Variants in CTNNA3 observed in about 807,000 individuals in gnomAD.
The protein encoded by CTNNA3 is catenin alpha 3, also known as catenin alpha-3.
CTNNA3 carries 76 observed loss-of-function variants against 95.7 expected under a neutral mutation model. The ratio of observed to expected loss-of-function variants is 0.79; its 90% confidence interval spans 0.66 to 0.96. The LOEUF is 0.96. Ranked by LOEUF, CTNNA3 falls within the 40% of genes least tolerant of loss-of-function variation. The pLI is 0.00. For synonymous variants in CTNNA3, 431 were observed against 374.4 expected (o/e 1.15, Z -1.74); for missense variants, 1,191 against 1,089.8 (o/e 1.09, Z -1.31).
At chr10:66,897,790 A>C (rs1371755857) in intron 7 of CTNNA3, among the ~76,000 whole-genome samples, 3 of 152,184 alleles carry the variant, frequency 2.0e-5, no homozygotes, top group Non-Finnish European at 4.4e-5. Context: ...CTTAAATTAG[A>C]AGTATAAAAA....
chr10:65,947,991 T>G (rs777956068), intron 17 of CTNNA3, among the ~76,000 whole-genome samples: 9 of 152,200 alleles, frequency 5.9e-5, no homozygotes, highest in Non-Finnish European at 1.3e-4. Context: ...AAATACCATG[T>G]GCGCGGCCAG....
intron 11 of CTNNA3, among the ~76,000 whole-genome samples, chr10:66,518,748 T>C (rs904573470): frequency 6.6e-6 from 1 of 151,762 alleles, no homozygotes; most frequent in Non-Finnish European, 1.5e-5. Context: ...ATTAGAAAAA[T>C]GGTGAAAGGA....
At chr10:66,996,647 T>TCCAAAAAAAA (rs1851361925) in intron 7 of CTNNA3, among the ~76,000 whole-genome samples, 1 of 8,950 alleles carries the variant, frequency 1.1e-4, no homozygotes, top group South Asian at 5.3e-3. Context: ...ACTCCGTCTC[T>TCCAAAAAAAA]ACAAAAAAAA....
At chr10:67,397,256 T>C (rs1433790435) in intron 5 of CTNNA3, among the ~76,000 whole-genome samples, 1 of 152,150 alleles carries the variant, frequency 6.6e-6, no homozygotes, top group African/African-American at 2.4e-5. Flanking sequence ...TGGAACTTCC[T>C]AGAGATTTGT....
At chr10:67,007,218 G>C (rs1852047437) in intron 7 of CTNNA3, among the ~76,000 whole-genome samples, 1 of 152,114 alleles carries the variant, frequency 6.6e-6, no homozygotes, top group Non-Finnish European at 1.5e-5. Context: ...GTCAGTTCCT[G>C]TTTAGCATCA....
At chr10:66,155,613 T>C (rs1413793453) in intron 13 of CTNNA3, among the ~76,000 whole-genome samples, 1 of 151,806 alleles carries the variant, frequency 6.6e-6, no homozygotes, top group African/African-American at 2.4e-5. Context: ...CGGAGGACCA[T>C]CTTAATACAT....
intron 13 of CTNNA3, among the ~76,000 whole-genome samples, chr10:66,227,184 TG>T (rs2089337572): frequency 6.6e-6 from 1 of 152,092 alleles, no homozygotes; most frequent in African/African-American, 2.4e-5. Context: ...TCCTTTCTCT[TG>T]CCTAATTATT....
chr10:66,522,487 C>A (rs1005735399), intron 10 of CTNNA3, among the ~76,000 whole-genome samples: 2 of 151,926 alleles, frequency 1.3e-5, no homozygotes, highest in Admixed American at 6.6e-5. Flanking sequence ...TGAGTTCTCA[C>A]GAGATCTGAT....
At chr10:66,180,613 T>G (rs757593187) in intron 13 of CTNNA3, among the ~76,000 whole-genome samples, 3 of 152,192 alleles carry the variant, frequency 2.0e-5, no homozygotes, top group Non-Finnish European at 4.4e-5. Flanking sequence ...GTTGTCTCCT[T>G]GCAGTTTTCA....
chr10:66,374,670 A>C (rs2092781634), intron 12 of CTNNA3, among the ~76,000 whole-genome samples: 1 of 128,932 alleles, frequency 7.8e-6, no homozygotes, highest in South Asian at 2.5e-4. Context: ...GCTGGAGTGC[A>C]GTGGCAGGAT....
chr10:67,731,258 C>T (rs1437717013), intron 1 of CTNNA3, among the ~76,000 whole-genome samples: 6 of 152,114 alleles, frequency 3.9e-5, no homozygotes, highest in Admixed American at 6.6e-5. Flanking sequence ...TGGCTCACAC[C>T]TCTAATCCCA....
intron 5 of CTNNA3, among the ~76,000 whole-genome samples, chr10:67,280,160 C>T (rs1380134822): frequency 6.7e-6 from 1 of 150,218 alleles, no homozygotes; most frequent in Non-Finnish European, 1.5e-5. Context: ...GTTTCTCACT[C>T]CAAGCACAGA....
intron 7 of CTNNA3, among the ~76,000 whole-genome samples, chr10:67,071,028 A>C (rs911688150): frequency 6.6e-6 from 1 of 152,160 alleles, no homozygotes; most frequent in Non-Finnish European, 1.5e-5. Flanking sequence ...TCTTCCCAGA[A>C]TTGCTAAACC....
intron 7 of CTNNA3, chr10:67,176,887 T>G: frequency 2.1e-6 from 1 of 483,036 alleles, no homozygotes; most frequent in Non-Finnish European, 4.2e-6. Context: ...AAGGCAAAAA[T>G]AATGGACTCT....
intron 1 of CTNNA3, among the ~76,000 whole-genome samples, chr10:67,662,363 G>C (rs1840214136): frequency 6.6e-6 from 1 of 152,124 alleles, no homozygotes; most frequent in Admixed American, 6.5e-5. Context: ...ATCTTATTTT[G>C]TGTCATATTT....
chr10:67,220,622 T>C (rs1864610314), intron 5 of CTNNA3, among the ~76,000 whole-genome samples: 1 of 152,182 alleles, frequency 6.6e-6, no homozygotes, highest in African/African-American at 2.4e-5. Flanking sequence ...GAAAAGCTGC[T>C]TTAGGCTGAA....
intron 9 of CTNNA3, among the ~76,000 whole-genome samples, chr10:66,623,107 G>A (rs1290714988): frequency 6.6e-6 from 1 of 151,918 alleles, no homozygotes; most frequent in Non-Finnish European, 1.5e-5. Context: ...TTTGAAAAGG[G>A]CAACAGTTTC....
chr10:65,960,581 A>G (rs1029089242), intron 17 of CTNNA3, among the ~76,000 whole-genome samples: 1 of 152,206 alleles, frequency 6.6e-6, no homozygotes, highest in Non-Finnish European at 1.5e-5. Context: ...AAGGGTATAT[A>G]GCATGATGCT....
At chr10:67,690,012 T>C (rs1007905879) in intron 1 of CTNNA3, among the ~76,000 whole-genome samples, 3 of 152,210 alleles carry the variant, frequency 2.0e-5, no homozygotes, top group African/African-American at 7.2e-5. Context: ...TTGGTCTCGC[T>C]GACTTCAAGA....
Sources: allele counts gnomAD v4.1 joint callset (sites outside exome capture counted in the v4.1 genomes callset), GRCh38; gene constraint gnomAD v4.1.1; transcripts MANE v1.5; gene names NCBI Gene and HGNC (gene_info 2026-07-23, HGNC 2026-07-21).